The following TNIK variants were observed in gnomAD, a reference collection of about 807,000 sequenced individuals.
TNIK encodes the protein TRAF2 and NCK-interacting protein kinase.
TNIK carries 49 observed loss-of-function variants against 191.3 expected under a neutral mutation model. The observed-to-expected ratio is 0.26, with a 90% CI of 0.20 to 0.32. TNIK has a LOEUF of 0.32. TNIK is among the 10% of genes least tolerant of loss of function. The pLI is 1.00. For missense variants in TNIK, 1,155 were observed against 1,702.3 expected (o/e 0.68, Z 5.66); for synonymous variants, 594 against 600.9 (o/e 0.99, Z 0.17).
intron 1 of TNIK, among the ~76,000 whole-genome samples, chr3:171,435,692 T>C (rs2108674518): frequency 6.6e-6 from 1 of 152,374 alleles, no homozygotes; most frequent in African/African-American, 2.4e-5. Context: ...ATTAATAGAC[T>C]TCCTAAGACA....
chr3:171,337,266 G>A (rs575018983), intron 2 of TNIK, among the ~76,000 whole-genome samples: 38 of 152,318 alleles, frequency 2.5e-4, no homozygotes, highest in African/African-American at 8.4e-4. Context: ...CCCCTTAGCT[G>A]GAAGGAGAGA....
At chr3:171,344,721 C>T (rs902309697) in intron 2 of TNIK, among the ~76,000 whole-genome samples, 1 of 131,926 alleles carries the variant, frequency 7.6e-6, no homozygotes, top group Non-Finnish European at 1.8e-5. Flanking sequence ...TACAACATTA[C>T]GAAATTCTCG....
At chr3:171,100,554 G>T in intron 22 of TNIK, among the ~76,000 whole-genome samples, 1 of 151,964 alleles carries the variant, frequency 6.6e-6, no homozygotes, top group South Asian at 2.1e-4. Context: ...CTGAGCCAAA[G>T]AAATAGAGGT....
At chr3:171,253,826 G>A (rs955389622) in intron 2 of TNIK, among the ~76,000 whole-genome samples, 1 of 152,106 alleles carries the variant, frequency 6.6e-6, no homozygotes, top group African/African-American at 2.4e-5. Flanking sequence ...ATTCATTCTT[G>A]AAGGTTGGAA....
At chr3:171,136,492 C>T (rs1222644051) in intron 15 of TNIK, among the ~76,000 whole-genome samples, 1 of 152,186 alleles carries the variant, frequency 6.6e-6, no homozygotes, top group African/African-American at 2.4e-5. Flanking sequence ...CACTATGGTC[C>T]TCAAGACTTC....
chr3:171,227,963 C>T (rs1403669760), intron 3 of TNIK, among the ~76,000 whole-genome samples: 1 of 152,168 alleles, frequency 6.6e-6, no homozygotes, highest in African/African-American at 2.4e-5. Context: ...AATGACTTTG[C>T]CCAACTGTAG....
chr3:171,108,216 C>A, intron 19 of TNIK, 54 bp from the exon 20 acceptor site: 2 of 1,392,716 alleles, frequency 1.4e-6, no homozygotes, highest in Non-Finnish European at 1.9e-6. Flanking sequence ...AAAGTGCTGG[C>A]TCAAGTTCTG....
At chr3:171,416,299 T>C (rs555700824) in intron 1 of TNIK, among the ~76,000 whole-genome samples, 42 of 152,130 alleles carry the variant, frequency 2.8e-4, no homozygotes, top group Non-Finnish European at 5.7e-4. Flanking sequence ...AGCCATGAAA[T>C]GTTCTTGCTA....
chr3:171,339,580 T>C (rs1757311283), intron 2 of TNIK, among the ~76,000 whole-genome samples: 1 of 152,250 alleles, frequency 6.6e-6, no homozygotes, highest in Non-Finnish European at 1.5e-5. Flanking sequence ...TGGTACACAG[T>C]AGCCCCTCAA....
At chr3:171,185,179 G>A (rs548840412) in intron 7 of TNIK, among the ~76,000 whole-genome samples, 2 of 31,488 alleles carry the variant, frequency 6.4e-5, no homozygotes, top group Non-Finnish European at 1.1e-4. Flanking sequence ...TAGATTTCCC[G>A]TGTGTGTGTG....
chr3:171,103,914 C>G (rs1724093691), intron 21 of TNIK, among the ~76,000 whole-genome samples: 1 of 151,950 alleles, frequency 6.6e-6, no homozygotes, highest in African/African-American at 2.4e-5. Flanking sequence ...TTTAAAAAAA[C>G]TTTCACTTGT....
chr3:171,308,259 G>C (rs186346964), intron 2 of TNIK, among the ~76,000 whole-genome samples: 62 of 152,202 alleles, frequency 4.1e-4, no homozygotes, highest in Middle Eastern at 6.8e-3. Context: ...AGAGAACCCA[G>C]AAATAAAGAC....
At chr3:171,362,411 A>G (rs1715118675) in intron 2 of TNIK, among the ~76,000 whole-genome samples, 1 of 152,180 alleles carries the variant, frequency 6.6e-6, no homozygotes, top group African/African-American at 2.4e-5. Flanking sequence ...AACCACAATT[A>G]TTTTTGCACC....
In TNIK at chr3:171,066,467, A is replaced by ATT. The variant is rs145832204; in HGVS notation, c.3859+107_3859+108dup. ...CAAGTCTTACAAGAGTTATTCACAG[A>ATT]TTTTTTTTTTTTTTTTTTTGTGGAA... is the stretch of plus-strand genomic sequence containing the variant. On this transcript the variant is annotated intron_variant, in intron 31 of 32. Coordinates refer to ENST00000436636, the MANE Select transcript of TNIK (RefSeq NM_015028.4). The ATT allele has an allele frequency of 7.9e-3, 10,229 of 1,296,232 alleles. 5 individuals carry two copies. The highest frequency in any genetic ancestry group is 0.013 in the South Asian group (904 of 68,148). 80.3% of individuals were successfully genotyped at this position (1,296,232 alleles called of 1,614,324 possible).
chr3:171,256,813 T>C (rs1259927962), intron 2 of TNIK, among the ~76,000 whole-genome samples: 2 of 152,110 alleles, frequency 1.3e-5, no homozygotes, highest in Admixed American at 1.3e-4. Context: ...ATAAACTGAA[T>C]GCTCACTCAG....
intron 12 of TNIK, among the ~76,000 whole-genome samples, chr3:171,156,148 T>C (rs1399931320): frequency 1.3e-5 from 2 of 152,170 alleles, no homozygotes; most frequent in African/African-American, 4.8e-5. Context: ...TGATAGTAGA[T>C]GAGATAGTGG....
intron 2 of TNIK, among the ~76,000 whole-genome samples, chr3:171,270,484 T>A (rs950939722): frequency 5.3e-5 from 8 of 152,210 alleles, no homozygotes; most frequent in African/African-American, 1.9e-4. Context: ...TCTCCAAAAA[T>A]ACCCACATCG....
At chr3:171,344,421 G>A (rs1560456473) in intron 2 of TNIK, among the ~76,000 whole-genome samples, 1 of 152,176 alleles carries the variant, frequency 6.6e-6, no homozygotes, top group Admixed American at 6.6e-5. Context: ...GATGGTAGTA[G>A]CAGTGGGGTG....
chr3:171,337,835 T>C (rs964584288), intron 2 of TNIK, among the ~76,000 whole-genome samples: 3 of 152,190 alleles, frequency 2.0e-5, no homozygotes, highest in Non-Finnish European at 2.9e-5. Flanking sequence ...TTCTAGACTT[T>C]GCCCAGAGGG....
Sources: allele counts gnomAD v4.1 joint callset (sites outside exome capture counted in the v4.1 genomes callset), GRCh38; gene constraint gnomAD v4.1.1; transcripts MANE v1.5; gene names NCBI Gene and HGNC (gene_info 2026-07-23, HGNC 2026-07-21).